The following TRPM3 variants were observed in gnomAD, a reference collection of about 807,000 sequenced individuals.
TRPM3 encodes transient receptor potential cation channel subfamily M member 3.
In TRPM3, 77 loss-of-function variants were observed where a neutral mutation model predicts 181.2. That is an observed-to-expected ratio of 0.42 (90% CI 0.35 to 0.51). The LOEUF (loss-of-function observed/expected upper bound fraction) is 0.51, where lower values mean the gene tolerates loss of function less well. Among genes scored for constraint, TRPM3 ranks in the 20% least tolerant of loss-of-function variants. The probability of loss-of-function intolerance (pLI) is 0.01; values close to 1 mark genes in which losing one functional copy is unlikely to be tolerated. For synonymous variants in TRPM3, 745 were observed against 796.4 expected (o/e 0.94, Z 1.09); for missense variants, 1,759 against 2,196.7 (o/e 0.80, Z 3.98).
chr9:70,874,667 A>G (rs548563092), intron 1 of TRPM3, among the ~76,000 whole-genome samples: 1 of 152,098 alleles, frequency 6.6e-6, no homozygotes, highest in African/African-American at 2.4e-5. Flanking sequence ...TAAAATTGGA[A>G]CATTTTATGT....
At position 70,864,525 on chromosome 9, in the gene TRPM3, CA is replaced by C. The variant is rs71367234; in HGVS notation, c.178-15del. 0.033 allele frequency: 28,891 copies of C among 886,684 alleles called. 8 individuals carry two copies. The highest frequency in any genetic ancestry group is 0.061 in the East Asian group (1,792 of 29,348). 54.9% of individuals were successfully genotyped at this position (886,684 alleles called of 1,614,324 possible). A position where few individuals can be genotyped will look rare whatever the true frequency, so the allele number is the denominator to read the frequency against. On this transcript the variant is annotated splice_polypyrimidine_tract_variant and intron_variant, in intron 1 of 25. Transcript: ENST00000677713. Reference sequence around the variant, plus strand: ...GGATTTCTGAGCCTGAAAAAGAAAACAAAAAAAAAAAAAAAAGAAAAAAGAA... The same window carrying C: ...GGATTTCTGAGCCTGAAAAAGAAAACAAAAAAAAAAAAAAAGAAAAAAGAA...
At chr9:70,776,340 G>A (rs894804035) in intron 7 of TRPM3, 5 of 642,976 alleles carry the variant, frequency 7.8e-6, no homozygotes, top group Middle Eastern at 5.0e-4. Context: ...CACTGCAGAT[G>A]CTGAGCTTCC....
At chr9:71,324,973 G>A (rs1357753086) in intron 1 of TRPM3, among the ~76,000 whole-genome samples, 1 of 152,040 alleles carries the variant, frequency 6.6e-6, no homozygotes, top group African/African-American at 2.4e-5. Flanking sequence ...AAGATGAAGA[G>A]AAGTGGTTTA....
At chr9:71,096,731 C>A (rs2067348991) in intron 1 of TRPM3, among the ~76,000 whole-genome samples, 1 of 151,870 alleles carries the variant, frequency 6.6e-6, no homozygotes, top group African/African-American at 2.4e-5. Flanking sequence ...TATCTGTAAA[C>A]AAACAGTCCT....
chr9:71,427,594 A>G (rs925835832), intron 1 of TRPM3, among the ~76,000 whole-genome samples: 2 of 152,240 alleles, frequency 1.3e-5, no homozygotes, highest in African/African-American at 4.8e-5. Context: ...AAAGAACAAA[A>G]TCATGTCATT....
chr9:71,205,016 G>A (rs2079039388), intron 1 of TRPM3, among the ~76,000 whole-genome samples: 1 of 151,950 alleles, frequency 6.6e-6, no homozygotes. Flanking sequence ...TGAACAATGA[G>A]AACACATGGA....
chr9:71,368,256 T>C (rs1273713348), intron 1 of TRPM3, among the ~76,000 whole-genome samples: 1 of 152,190 alleles, frequency 6.6e-6, no homozygotes, highest in Non-Finnish European at 1.5e-5. Flanking sequence ...ATCTGATTAC[T>C]TGTTTGACAG....
intron 14 of TRPM3, among the ~76,000 whole-genome samples, chr9:70,624,385 T>C (rs995724190): frequency 1.3e-5 from 2 of 152,140 alleles, no homozygotes; most frequent in Admixed American, 6.5e-5. Flanking sequence ...AGCCTCGAAC[T>C]CCTGGGCTCA....
In TRPM3 at chr9:71,368,389, G is replaced by A. The variant is rs574788170; in HGVS notation, c.183+78264C>T. ...CCAGGCCTGAATTTCCATGTGAATC[G>A]TACTGACAGCAAGGAAGCTTTTATC... On this transcript the variant is annotated intron_variant, in intron 1 of 24. Coordinates refer to the TRPM3 transcript ENST00000357533. Among the ~76,000 whole-genome samples, 14 of 152,224 alleles carry A rather than the reference G, an allele frequency of 9.2e-5. No individual in the cohort carries two copies. The South Asian group carries it at 1.2e-3, about 14-fold the overall frequency.
At chr9:71,402,607 C>T (rs928594652) in intron 1 of TRPM3, among the ~76,000 whole-genome samples, 1 of 152,312 alleles carries the variant, frequency 6.6e-6, no homozygotes, top group African/African-American at 2.4e-5. Context: ...TTGTACTTAA[C>T]TGAGTGATCC....
At chr9:70,769,692 C>T (rs1054018665) in intron 7 of TRPM3, among the ~76,000 whole-genome samples, 6 of 152,108 alleles carry the variant, frequency 3.9e-5, no homozygotes, top group African/African-American at 1.4e-4. Context: ...TTACTGCTCC[C>T]TTGGTGCTCT....
intron 7 of TRPM3, among the ~76,000 whole-genome samples, chr9:70,762,899 C>G (rs2078402368): frequency 6.6e-6 from 1 of 152,090 alleles, no homozygotes; most frequent in Non-Finnish European, 1.5e-5. Context: ...ACACCACTGC[C>G]TCTCTTCATC....
intron 8 of TRPM3, among the ~76,000 whole-genome samples, chr9:70,758,520 C>A (rs1406510796): frequency 6.6e-6 from 1 of 152,092 alleles, no homozygotes; most frequent in East Asian, 1.9e-4. Flanking sequence ...CCCACATAGC[C>A]AAGACAATCC....
chr9:70,700,709 T>A (rs2072242204), intron 8 of TRPM3, among the ~76,000 whole-genome samples: 5 of 152,194 alleles, frequency 3.3e-5, no homozygotes, highest in Non-Finnish European at 7.3e-5. Flanking sequence ...GAAACTTTCA[T>A]CAGATTGATC....
At chr9:71,252,847 CTTTTTTTTTTTTT>C (rs11417438) in intron 1 of TRPM3, among the ~76,000 whole-genome samples, 3 of 84,754 alleles carry the variant, frequency 3.5e-5, no homozygotes, top group East Asian at 3.5e-4. Context: ...AATTTTGTCT[CTTTTTTTTTTTTT>C]TTTTTTTTTA....
chr9:71,197,891 C>G (rs1035802619), intron 1 of TRPM3, among the ~76,000 whole-genome samples: 3 of 149,478 alleles, frequency 2.0e-5, no homozygotes, highest in African/African-American at 7.4e-5. Context: ...TCCCATTTGT[C>G]AATTTTGGCT....
chr9:70,845,492 G>A (rs985048004), intron 4 of TRPM3, among the ~76,000 whole-genome samples: 3 of 152,098 alleles, frequency 2.0e-5, no homozygotes, highest in South Asian at 2.1e-4. Context: ...CCCCTGCCTC[G>A]GCCTCCCAAA....
intron 4 of TRPM3, 109 bp downstream of exon 4, chr9:70,846,269 G>T: frequency 1.0e-6 from 1 of 1,004,250 alleles, no homozygotes; most frequent in Non-Finnish European, 1.6e-6. Context: ...GGACCCATGG[G>T]TAGGGATGAA....
At chr9:71,248,436 G>A (rs1282595674) in intron 1 of TRPM3, among the ~76,000 whole-genome samples, 2 of 152,160 alleles carry the variant, frequency 1.3e-5, no homozygotes, top group African/African-American at 4.8e-5. Flanking sequence ...GAACACACCA[G>A]GGGACAAAGC....
Sources: gnomAD v4.1 joint callset for allele counts (sites outside exome capture counted in the v4.1 genomes callset) on GRCh38, gnomAD v4.1.1 for gene constraint, MANE v1.5 for transcripts, NCBI Gene and HGNC (gene_info 2026-07-23, HGNC 2026-07-21) for gene names.